GFAP: variants seen among roughly 807,000 people sequenced by gnomAD.
GFAP encodes the protein glial fibrillary acidic protein.
Under a neutral mutation model 49.3 loss-of-function variants are expected in GFAP, and 38 were observed. The ratio of observed to expected loss-of-function variants is 0.77; its 90% CI spans 0.60 to 1.01. The LOEUF (loss-of-function observed/expected upper bound fraction) is 1.01. GFAP is among the 50% of genes least tolerant of loss of function. GFAP has a pLI of 0.00. For synonymous variants in GFAP, 222 were observed against 236.4 expected, an observed-to-expected ratio of 0.94 and a Z score of 0.56; for missense variants, 463 against 579.1, an observed-to-expected ratio of 0.80 and a Z score of 2.06.
At chr17:44,908,406 G>A (rs773520533) in intron 7 of GFAP, 81 of 418,618 alleles carry the variant, frequency 1.9e-4, no homozygotes, top group Middle Eastern at 6.1e-4. Flanking sequence ...CCTGGCACCT[G>A]GCTTTCTGAA....
intron 3 of GFAP, 34 bp downstream of exon 3, chr17:44,913,694 G>A: frequency 3.4e-6 from 5 of 1,467,414 alleles, no homozygotes; most frequent in Non-Finnish European, 4.8e-6. Context: ...TGCAATCTCT[G>A]TGTTGAGCTT....
At chr17:44,912,527 A>T (rs911151072) in intron 4 of GFAP, 2 of 152,470 alleles carry the variant, frequency 1.3e-5, no homozygotes, top group African/African-American at 4.9e-5. Flanking sequence ...TGCCACTCAC[A>T]CTCCTCAGCT....
At chr17:44,910,549 A>C (rs1295754912) in intron 7 of GFAP, 66 bp downstream of exon 7, 4 of 1,554,568 alleles carry the variant, frequency 2.6e-6, no homozygotes, top group Non-Finnish European at 3.5e-6. Flanking sequence ...GTCTGGAGCA[A>C]CCTACAGGCC....
At position 44,907,302 on chromosome 17, in the gene GFAP, G is replaced by C. The variant is rs369389003; in HGVS notation, c.*45C>G. ...CGGAGCAACTATCCTGCTTCTGCTC[G>C]GGCCCCTCATGAGACGGGGCAGAGG... On this transcript the variant is annotated 3_prime_UTR_variant, in exon 9 of 9. Coordinates refer to ENST00000588735, the MANE Select transcript of GFAP (RefSeq NM_002055.5). 2 of 1,590,718 alleles carry C rather than the reference G, an allele frequency of 1.3e-6. No individual in the cohort carries two copies. Among genetic ancestry groups the C allele is most frequent in the Non-Finnish European group, 1.7e-6 (2 of 1,159,148 alleles).
chr17:44,905,924 C>T lies in GFAP; in HGVS notation c.*1423G>A, dbSNP rs2051646575. 1.3e-5 allele frequency: 2 copies of T among 152,278 alleles called. No individual in the cohort carries two copies. Among genetic ancestry groups the T allele is most frequent in the African/African-American group, 4.8e-5 (2 of 41,428 alleles). The allele number at this position is 152,278 out of a possible 1,614,324, so 9.4% of individuals were successfully genotyped here. On this transcript the variant is annotated 3_prime_UTR_variant, in exon 9 of 9. Transcript: ENST00000588735. Reference sequence around the variant, plus strand: ...CGTGTCAGCCCTGAGCACCCGGCCTCCAGGCTGCAGGAATATGAGCCAGTG... The same window carrying T: ...CGTGTCAGCCCTGAGCACCCGGCCTTCAGGCTGCAGGAATATGAGCCAGTG...
In GFAP at chr17:44,903,551, G is replaced by A. The variant is rs771403611; in HGVS notation, c.*3796C>T. 1.6e-5 allele frequency: 22 copies of A among 1,356,562 alleles called. No individual in the cohort carries two copies. The highest frequency in any genetic ancestry group is 2.1e-5 in the South Asian group (1 of 48,302). 84.0% of individuals were successfully genotyped at this position (1,356,562 alleles called of 1,614,324 possible). A position where few individuals can be genotyped will look rare whatever the true frequency, so the allele number is the denominator to read the frequency against. ...TCCTTTGACCCATTCTTGGGTGAGC[G>A]CCAGTGTTCTAGAAAGGGGAGTAAA... On this transcript the variant is annotated 3_prime_UTR_variant, in exon 9 of 9. Transcript: ENST00000588735.
chr17:44,910,613 A>T lies in GFAP; in HGVS notation c.1171+2T>A. The T allele has an allele frequency of 6.3e-7, 1 of 1,576,118 alleles. No homozygotes were observed. The highest frequency in any genetic ancestry group is 1.7e-4 in the Middle Eastern group (1 of 6,014). ...CTTCCCACGAGGCCCTGCTGTACTGACCTCGAATCTGCAGGTTGGAGAAGG... is the reference window on the plus strand; with the variant it reads ...CTTCCCACGAGGCCCTGCTGTACTGTCCTCGAATCTGCAGGTTGGAGAAGG... On this transcript the variant is annotated splice_donor_variant, in intron 7 of 8. Coordinates refer to ENST00000588735, the MANE Select transcript of GFAP (RefSeq NM_002055.5). LOFTEE classifies it high-confidence loss of function.
chr17:44,914,857 T>C (rs1420032370), intron 1 of GFAP, 169 bp downstream of exon 1: 10 of 641,554 alleles, frequency 1.6e-5, no homozygotes, highest in Non-Finnish European at 2.7e-5. Flanking sequence ...CCTGGGCCTG[T>C]TTCTGGTCCC....
At chr17:44,910,096 T>TG in intron 7 of GFAP, 1 of 1,613,692 alleles carries the variant, frequency 6.2e-7, no homozygotes, top group South Asian at 1.1e-5. Flanking sequence ...GCTCACTCCC[T>TG]GTCAAGCTGG....
intron 8 of GFAP, chr17:44,907,801 G>A (rs780873679): frequency 2.2e-5 from 13 of 585,660 alleles, no homozygotes; most frequent in African/African-American, 3.7e-5. Context: ...CAAGGCCCCC[G>A]AGTTTGAGGG....
intron 8 of GFAP, 29 bp downstream of exon 8, chr17:44,908,035 A>T: frequency 6.7e-7 from 1 of 1,484,612 alleles, no homozygotes; most frequent in Non-Finnish European, 9.4e-7. Context: ...GGCCAGCCAG[A>T]GCCTGACTGG....
In GFAP at chr17:44,905,690, A is replaced by G; in HGVS notation, c.*1657T>C. 1 of 157,684 alleles carries G rather than the reference A, an allele frequency of 6.3e-6. No homozygotes were observed. The highest frequency in any genetic ancestry group is 1.4e-5 in the Non-Finnish European group (1 of 72,208). The allele number at this position is 157,684 out of a possible 1,614,324, so 9.8% of individuals were successfully genotyped here. ...GACTAAAGGCAGCAGCAGTGCCCTGAAGATTAGCAGCAGCAGCAGCAGCAG... is the reference window on the plus strand; with the variant it reads ...GACTAAAGGCAGCAGCAGTGCCCTGGAGATTAGCAGCAGCAGCAGCAGCAG... On this transcript the variant is annotated 3_prime_UTR_variant, in exon 9 of 9. Transcript: ENST00000588735.
At position 44,904,754 on chromosome 17, in the gene GFAP, C is replaced by T. The variant is rs185409255; in HGVS notation, c.*2593G>A. The T allele has an allele frequency of 3.1e-5, 48 of 1,550,598 alleles. No homozygotes were observed. The East Asian group carries it at 3.2e-4, about 10-fold the overall frequency. The stretch of plus-strand genomic sequence containing the variant: ...GGACAAAGACCGCCAGCACCTCTAC[C>T]GCACACAGTACCTGAAGGGTGTCAA... On this transcript the variant is annotated 3_prime_UTR_variant, in exon 9 of 9. Coordinates refer to ENST00000588735, the MANE Select transcript of GFAP (RefSeq NM_002055.5).
At chr17:44,911,571 G>T (rs2051768314) in intron 5 of GFAP, 101 bp downstream of exon 5, 2 of 1,574,098 alleles carry the variant, frequency 1.3e-6, no homozygotes, top group Non-Finnish European at 1.7e-6. Flanking sequence ...TTCAGGCCCC[G>T]CCCTCGACCC....
In GFAP at chr17:44,907,289, C is replaced by G; in HGVS notation, c.*58G>C. ...GTGCCAGCAGAGGCGGAGCAACTATCCTGCTTCTGCTCGGGCCCCTCATGA... is the reference window on the plus strand; with the variant it reads ...GTGCCAGCAGAGGCGGAGCAACTATGCTGCTTCTGCTCGGGCCCCTCATGA... On this transcript the variant is annotated 3_prime_UTR_variant, in exon 9 of 9. Transcript: ENST00000588735. The G allele has an allele frequency of 1.3e-6, 2 of 1,545,384 alleles. No homozygotes were observed. Among genetic ancestry groups the G allele is most frequent in the Non-Finnish European group, 1.8e-6 (2 of 1,117,788 alleles).
Position 44,915,384 on chromosome 17 carries a change from T to A in GFAP, c.103A>T (p.Thr35Ser), listed in dbSNP as rs754484687. 5.0e-6 allele frequency: 8 copies of A among 1,599,152 alleles called. 1 individual carries two copies. In the South Asian group the frequency reaches 8.9e-5, roughly 18 times the overall value. ...GGCATTCGAGCCAGGGAGAGGCGGGTGCCAGGACCCAGACGGCGGCCAGGA... is the reference window on the plus strand; with the variant it reads ...GGCATTCGAGCCAGGGAGAGGCGGGAGCCAGGACCCAGACGGCGGCCAGGA... Reference protein sequence around the residue: ...LAPGRRLGPGTRLSLARMPPP... With the variant: ...LAPGRRLGPGSRLSLARMPPP... The change falls in exon 1 of 9, where the codon ACC becomes TCC. Residue 35 changes from threonine (T) to serine (S), a missense_variant. Thr to Ser is a moderately conservative substitution (Grantham distance 58). Coordinates refer to ENST00000588735, the MANE Select transcript of GFAP (RefSeq NM_002055.5). This position sits in a 1 kb window ranked among gnomAD's most constrained non-coding sequence, Gnocchi z 4.1.
rs893561119 is a variant in GFAP at position 44,913,969 on chromosome 17, G to T, written c.522+59C>A. The T allele has an allele frequency of 1.3e-5, 18 of 1,352,350 alleles. No homozygotes were observed. In the African/African-American group the frequency reaches 1.9e-4, roughly 14 times the overall value. 83.8% of individuals were successfully genotyped at this position (1,352,350 alleles called of 1,614,324 possible). A position where few individuals can be genotyped will look rare whatever the true frequency, so the allele number is the denominator to read the frequency against. Reference sequence around the variant, plus strand: ...CGGGCTGAGCTTGGGGGCTGTGTTTGGGTGGGTGGCCATCAATCCTTTCCT... The same window carrying T: ...CGGGCTGAGCTTGGGGGCTGTGTTTTGGTGGGTGGCCATCAATCCTTTCCT... On this transcript the variant is annotated intron_variant, in intron 2 of 8. Transcript: ENST00000588735.
rs562693720 is a variant in GFAP at position 44,910,205 on chromosome 17, G to A, written c.1171+410C>T. On this transcript the variant is annotated intron_variant, in intron 7 of 8. Transcript: ENST00000588735. Reference sequence around the variant, plus strand: ...GTATTGGTATAACTCGTATTGTGAGGCTTTTGAGATATCTTGTGACCTTGT... The same window carrying A: ...GTATTGGTATAACTCGTATTGTGAGACTTTTGAGATATCTTGTGACCTTGT... The A allele has an allele frequency of 5.6e-6, 9 of 1,613,838 alleles. No individual in the cohort carries two copies. The South Asian group carries it at 8.8e-5, about 16-fold the overall frequency.
At position 44,911,570 on chromosome 17, in the gene GFAP, C is replaced by T. The variant is rs534320620; in HGVS notation, c.906+102G>A. 1.5e-5 allele frequency: 24 copies of T among 1,574,078 alleles called. 1 individual carries two copies. The highest frequency in any genetic ancestry group is 2.2e-5 in the East Asian group (1 of 44,446). On this transcript the variant is annotated intron_variant, in intron 5 of 8. Transcript: ENST00000588735. The stretch of plus-strand genomic sequence containing the variant: ...TAGCCCGGGGGTAACGTTCAGGCCC[C>T]GCCCTCGACCCAGGTCCTCGTCCCT...
Sources: gnomAD v4.1 joint callset for allele counts on GRCh38, gnomAD v4.1.1 for gene constraint, Gnocchi (gnomAD v3.1) non-coding constraint, MANE v1.5 for transcripts, NCBI Gene and HGNC (gene_info 2026-07-23, HGNC 2026-07-21) for gene names.